The following CSMD1 variants were observed in gnomAD, a reference collection of about 807,000 sequenced individuals.
CSMD1 encodes CUB and Sushi multiple domains 1, also known as CUB and sushi domain-containing protein 1.
In CSMD1, 213 loss-of-function variants were observed where a neutral mutation model predicts 417.5. That is an observed-to-expected ratio of 0.51 (90% confidence interval 0.46 to 0.57). The LOEUF (loss-of-function observed/expected upper bound fraction) is 0.57, where lower values mean the gene tolerates loss of function less well. Among genes scored for constraint, CSMD1 ranks in the 20% least tolerant of loss-of-function variants. CSMD1 has a pLI of 0.00. For synonymous variants in CSMD1, 2,862 were observed against 1,736.8 expected (o/e 1.65, Z -16.11); for missense variants, 6,923 against 4,529.7 (o/e 1.53, Z -15.17).
intron 8 of CSMD1, among the ~76,000 whole-genome samples, chr8:3,611,392 G>C (rs546551088): frequency 2.0e-4 from 30 of 152,230 alleles, no homozygotes; most frequent in African/African-American, 7.2e-4. Flanking sequence ...AATTGTTTGA[G>C]TTTTGAGTTG....
At chr8:3,201,318 A>T (rs147157043) in intron 32 of CSMD1, among the ~76,000 whole-genome samples, 2 of 152,316 alleles carry the variant, frequency 1.3e-5, no homozygotes, top group East Asian at 3.9e-4. Flanking sequence ...AAAATTAAAC[A>T]CAGATGATAG....
chr8:3,462,700 A>C (rs567597994), intron 12 of CSMD1, among the ~76,000 whole-genome samples: 1 of 152,298 alleles, frequency 6.6e-6, no homozygotes, highest in Admixed American at 6.5e-5. Flanking sequence ...CAGTAAATGC[A>C]ATGCACTTCA....
chr8:3,681,371 C>T (rs61080585), intron 7 of CSMD1, among the ~76,000 whole-genome samples: 21,750 of 152,126 alleles, frequency 0.14, 1,757 homozygotes, highest in South Asian at 0.21. Context: ...GTGCAAAAAT[C>T]ACAAGCATTC....
intron 40 of CSMD1, among the ~76,000 whole-genome samples, chr8:3,148,473 C>T (rs1056401002): frequency 6.6e-6 from 1 of 152,210 alleles, no homozygotes; most frequent in Admixed American, 6.5e-5. Flanking sequence ...AAATCATTCA[C>T]ATGCGGCCGA....
intron 50 of CSMD1, among the ~76,000 whole-genome samples, chr8:3,040,713 G>T (rs1217905544): frequency 6.6e-6 from 1 of 152,032 alleles, no homozygotes. Context: ...TGAGGCAAAA[G>T]AATCGCTTGA....
chr8:3,518,227 G>C lies in CSMD1; in HGVS notation c.1345-24501C>G, dbSNP rs148690542. Among the ~76,000 whole-genome samples the C allele has an allele frequency of 1.1e-3, 173 of 152,220 alleles. 1 individual carries two copies. Among genetic ancestry groups the C allele is most frequent in the African/African-American group, 3.9e-3 (161 of 41,550 alleles). ...TTACTTATTTTTTAATCTTTTTGTA[G>C]TTTTAATTTTCCTTCATAAATATGT... On this transcript the variant is annotated intron_variant, in intron 10 of 69. Transcript: ENST00000635120.
At chr8:3,664,465 T>C (rs902896180) in intron 7 of CSMD1, among the ~76,000 whole-genome samples, 3 of 152,232 alleles carry the variant, frequency 2.0e-5, no homozygotes, top group Non-Finnish European at 4.4e-5. Flanking sequence ...TCAGAAAGCA[T>C]AGGCAGCTCA....
chr8:3,104,760 A>T (rs2406585), intron 46 of CSMD1, among the ~76,000 whole-genome samples: 133,407 of 149,066 alleles, frequency 0.89, 60,484 homozygotes, highest in Non-Finnish European at 0.96. Context: ...CAGGCTGGAG[A>T]GCAATGGCAA....
intron 5 of CSMD1, among the ~76,000 whole-genome samples, chr8:3,813,813 T>A: frequency 6.6e-6 from 1 of 152,248 alleles, no homozygotes; most frequent in Admixed American, 6.5e-5. Context: ...CTGAAAAACT[T>A]AAAGTATGTC....
At chr8:3,509,422 C>G (rs984981593) in intron 10 of CSMD1, among the ~76,000 whole-genome samples, 1 of 152,136 alleles carries the variant, frequency 6.6e-6, no homozygotes, top group Non-Finnish European at 1.5e-5. Flanking sequence ...TTTCTCAGGA[C>G]AATGTTTTGG....
At position 3,889,936 on chromosome 8, in the gene CSMD1, C is replaced by T. The variant is rs73661017; in HGVS notation, c.818+107967G>A. ...AATGCCACATGCCCGTAGTCTCAGACGGTTGGATGGCTGAGGTGGGAGGAT... is the reference window on the plus strand; with the variant it reads ...AATGCCACATGCCCGTAGTCTCAGATGGTTGGATGGCTGAGGTGGGAGGAT... On this transcript the variant is annotated intron_variant, in intron 5 of 69. Coordinates refer to ENST00000635120, the MANE Select transcript of CSMD1 (RefSeq NM_033225.6). Among the ~76,000 whole-genome samples, 177 of 152,188 alleles carry T rather than the reference C, an allele frequency of 1.2e-3. 1 individual carries two copies. The highest frequency in any genetic ancestry group is 4.0e-3 in the African/African-American group (165 of 41,524).
At chr8:4,862,997 C>A (rs1187907254) in intron 1 of CSMD1, among the ~76,000 whole-genome samples, 1 of 151,938 alleles carries the variant, frequency 6.6e-6, no homozygotes, top group Non-Finnish European at 1.5e-5. Context: ...AGCAAATACC[C>A]CCGTAGATCA....
chr8:4,185,995 T>A (rs1178502267), intron 3 of CSMD1, among the ~76,000 whole-genome samples: 1 of 152,198 alleles, frequency 6.6e-6, no homozygotes, highest in East Asian at 1.9e-4. Flanking sequence ...TCCACCTATG[T>A]TTTGTTATGA....
At chr8:4,009,338 T>C (rs1816373246) in intron 4 of CSMD1, among the ~76,000 whole-genome samples, 2 of 152,234 alleles carry the variant, frequency 1.3e-5, no homozygotes, top group Admixed American at 6.5e-5. Flanking sequence ...TGGAAATCTA[T>C]CTTACGGACA....
At chr8:3,919,397 T>C (rs1809067958) in intron 5 of CSMD1, among the ~76,000 whole-genome samples, 1 of 152,128 alleles carries the variant, frequency 6.6e-6, no homozygotes, top group Non-Finnish European at 1.5e-5. Flanking sequence ...GAGACTCTCT[T>C]TTCCCCCATT....
intron 3 of CSMD1, among the ~76,000 whole-genome samples, chr8:4,163,245 T>G (rs1444989416): frequency 6.6e-6 from 1 of 152,162 alleles, no homozygotes; most frequent in Non-Finnish European, 1.5e-5. Flanking sequence ...TTCAGATAAA[T>G]AACAAGGAGT....
intron 3 of CSMD1, among the ~76,000 whole-genome samples, chr8:4,290,511 G>C (rs773213405): frequency 1.8e-4 from 27 of 152,304 alleles, no homozygotes; most frequent in African/African-American, 1.2e-4. Context: ...AAAAAGGACA[G>C]ATGATGTTTC....
At chr8:3,792,363 T>G (rs558757576) in intron 5 of CSMD1, among the ~76,000 whole-genome samples, 2 of 152,272 alleles carry the variant, frequency 1.3e-5, no homozygotes, top group South Asian at 4.1e-4. Flanking sequence ...ATGTACATTA[T>G]GATCATTAAT....
At chr8:3,174,167 T>G (rs930513348) in intron 37 of CSMD1, among the ~76,000 whole-genome samples, 24 of 152,298 alleles carry the variant, frequency 1.6e-4, no homozygotes, top group African/African-American at 5.8e-4. Context: ...ATTAATTCAG[T>G]TAGTTATATT....
Sources: allele counts gnomAD v4.1 joint callset (sites outside exome capture counted in the v4.1 genomes callset), GRCh38; gene constraint gnomAD v4.1.1; transcripts MANE v1.5; gene names NCBI Gene and HGNC (gene_info 2026-07-23, HGNC 2026-07-21).